The following KY variants were observed in gnomAD, a reference collection of about 807,000 sequenced individuals.
The protein encoded by KY is kyphoscoliosis peptidase.
Under a neutral mutation model 76.1 loss-of-function variants are expected in KY, and 43 were observed. That is an observed-to-expected ratio of 0.57 (90% confidence interval 0.44 to 0.73). KY has a LOEUF of 0.73. Ranked by LOEUF, KY falls within the 30% of genes least tolerant of loss-of-function variation. The pLI is 0.00. For missense variants in KY, 722 were observed against 828.9 expected (o/e 0.87, Z 1.58); for synonymous variants, 277 against 326.2 (o/e 0.85, Z 1.63).
intron 3 of KY, among the ~76,000 whole-genome samples, chr3:134,633,316 C>A (rs867245457): frequency 1.3e-5 from 2 of 152,120 alleles, no homozygotes; most frequent in Admixed American, 6.5e-5. Context: ...CACTACAGAC[C>A]AATACCCCTT....
At chr3:134,635,575 G>A (rs1560133355) in intron 3 of KY, among the ~76,000 whole-genome samples, 1 of 146,150 alleles carries the variant, frequency 6.8e-6, no homozygotes, top group Non-Finnish European at 1.5e-5. Context: ...GTCCACACAA[G>A]ATAATTTTAA....
chr3:134,610,236 GC>G lies in KY; in HGVS notation c.857del (p.Gly286AlafsTer42). The G allele has an allele frequency of 6.2e-7, 1 of 1,613,874 alleles. No homozygotes were observed. The highest frequency in any genetic ancestry group is 8.5e-7 in the Non-Finnish European group (1 of 1,179,852). On this transcript the variant is annotated frameshift_variant, in exon 9 of 11. Transcript: ENST00000423778. LOFTEE classifies it high-confidence loss of function. ...GRWHLVDSTWGSGLVDTITSK... is the reference protein window; with the variant it reads ...GRWHLVDSTWXSGLVDTITSK... ...AGGTGATGGTGTCCACCAGGCCGCT[GC>G]CCCAGGTGCTGTCCACCAGGTGCCA...
rs1959024553 is a variant in KY at position 134,602,774 on chromosome 3, C to A, written c.*805G>T. Reference sequence around the variant, plus strand: ...CCTGCCCTGTGTACTCCTCTCAGAGCAGAGCTGGAGGTCTTACACCCTCAG... The same window carrying A: ...CCTGCCCTGTGTACTCCTCTCAGAGAAGAGCTGGAGGTCTTACACCCTCAG... On this transcript the variant is annotated 3_prime_UTR_variant, in exon 11 of 11. Coordinates refer to ENST00000423778, the MANE Select transcript of KY (RefSeq NM_178554.6). 6.6e-6 allele frequency among the ~76,000 whole-genome samples: 1 copy of A among 152,196 alleles called. No homozygotes were observed. Among genetic ancestry groups the A allele is most frequent in the Non-Finnish European group, 1.5e-5 (1 of 68,028 alleles).
chr3:134,629,100 G>A (rs1963881995), intron 4 of KY, among the ~76,000 whole-genome samples: 2 of 152,218 alleles, frequency 1.3e-5, no homozygotes, highest in South Asian at 4.1e-4. Flanking sequence ...CTGGGCCTAT[G>A]TGCACTGCAC....
Position 134,608,783 on chromosome 3 carries a change from G to A in KY, c.956C>T (p.Pro319Leu). The change falls in exon 10 of 11, where the codon CCA (proline) becomes CTA (leucine). Residue 319 changes from proline to leucine, a missense_variant. Pro to Leu is a moderately conservative substitution (Grantham distance 98). Around this residue, in one of 2 missense-constraint regions of KY, gnomAD observed 552 missense variants for 680.9 expected, o/e 0.81. Coordinates refer to ENST00000423778, the MANE Select transcript of KY (RefSeq NM_178554.6). ...HPALFIEDHF[P>L]DNKNWQLLKP... The stretch of plus-strand genomic sequence containing the variant: ...TAGCAGCTGCCAGTTCTTGTTGTCT[G>A]GGAAGTGGTCCTCGATGAACAGTGC... The A allele has an allele frequency of 6.2e-7, 1 of 1,613,998 alleles. No individual in the cohort carries two copies. The highest frequency in any genetic ancestry group is 8.5e-7 in the Non-Finnish European group (1 of 1,179,880).
chr3:134,600,246 A>G lies in KY; in HGVS notation c.*3333T>C, dbSNP rs572835228. ...GGAGAGGAGAAAACCCACTCCTTCT[A>G]GTGAACATGGCATCTAAAACCTCAG... On this transcript the variant is annotated 3_prime_UTR_variant, in exon 11 of 11. Coordinates refer to ENST00000423778, the MANE Select transcript of KY (RefSeq NM_178554.6). Among the ~76,000 whole-genome samples the G allele has an allele frequency of 1.9e-4, 29 of 152,358 alleles. 1 individual carries two copies. The South Asian group carries it at 6.0e-3, about 32-fold the overall frequency.
At chr3:134,643,191 C>A in intron 3 of KY, 125 bp downstream of exon 3, 1 of 802,816 alleles carries the variant, frequency 1.2e-6, no homozygotes, top group East Asian at 2.6e-5. Context: ...TTCCAACACC[C>A]ATGGGAGCAG....
At chr3:134,636,272 C>T (rs62270963) in intron 3 of KY, among the ~76,000 whole-genome samples, 78 of 152,320 alleles carry the variant, frequency 5.1e-4, no homozygotes, top group South Asian at 3.7e-3. Context: ...AGAGAATGCC[C>T]ATTGTGCACA....
chr3:134,608,552 G>C, intron 10 of KY, 97 bp downstream of exon 10: 1 of 1,608,010 alleles, frequency 6.2e-7, no homozygotes. Flanking sequence ...GTCTGGAAGG[G>C]CATGCCTTGA....
chr3:134,623,871 C>T (rs1408353049), intron 6 of KY, among the ~76,000 whole-genome samples: 1 of 152,150 alleles, frequency 6.6e-6, no homozygotes. Context: ...TGGCCTTGCC[C>T]CAGCCCCTTT....
At chr3:134,606,466 C>A (rs1959208318) in intron 10 of KY, among the ~76,000 whole-genome samples, 1 of 152,208 alleles carries the variant, frequency 6.6e-6, no homozygotes, top group Non-Finnish European at 1.5e-5. Context: ...CTGGATAAGG[C>A]TTCATGGTAA....
At chr3:134,604,653 C>T (rs563643161) in intron 10 of KY, among the ~76,000 whole-genome samples, 179 bp from the exon 11 acceptor site, 23 of 152,348 alleles carry the variant, frequency 1.5e-4, no homozygotes, top group African/African-American at 4.8e-4. Flanking sequence ...CTTCACTGAG[C>T]ATGGCATCAG....
At chr3:134,612,683 G>A (rs1175309006) in intron 8 of KY, among the ~76,000 whole-genome samples, 1 of 151,846 alleles carries the variant, frequency 6.6e-6, no homozygotes, top group Non-Finnish European at 1.5e-5. Flanking sequence ...GCTAAGCAGT[G>A]CCCCTGACAC....
intron 4 of KY, among the ~76,000 whole-genome samples, chr3:134,628,559 C>T (rs1963775139): frequency 6.6e-6 from 1 of 152,136 alleles, no homozygotes; most frequent in Admixed American, 6.5e-5. Flanking sequence ...AGAAACAGTG[C>T]TCCATTTATT....
chr3:134,645,287 A>G (rs34701532), intron 2 of KY, among the ~76,000 whole-genome samples: 30,707 of 152,134 alleles, frequency 0.2, 3,497 homozygotes, highest in Non-Finnish European at 0.26. Context: ...GGAGCTCTCT[A>G]GTCTCAACAC....
intron 7 of KY, chr3:134,619,800 ATG>A (rs1962278418): frequency 6.4e-6 from 1 of 156,862 alleles, no homozygotes; most frequent in South Asian, 1.9e-4. Context: ...GAGACTGTGT[ATG>A]TGTGTGTTGG....
intron 3 of KY, among the ~76,000 whole-genome samples, chr3:134,638,186 G>A (rs913486580): frequency 6.6e-6 from 1 of 152,216 alleles, no homozygotes; most frequent in African/African-American, 2.4e-5. Flanking sequence ...GCCTGGGCTG[G>A]ACACGCTGTT....
intron 6 of KY, among the ~76,000 whole-genome samples, chr3:134,621,106 TAGCCAGGC>T: frequency 6.6e-6 from 1 of 152,192 alleles, no homozygotes; most frequent in Admixed American, 6.5e-5. Context: ...ATCTGGGGGC[TAGCCAGGC>T]AGGCATCTGG....
At chr3:134,610,419 C>T (rs770473274) in intron 8 of KY, 36 bp from the exon 9 acceptor site, 80 of 1,579,468 alleles carry the variant, frequency 5.1e-5, no homozygotes, top group African/African-American at 8.1e-5. Flanking sequence ...AGGGGGATCC[C>T]GCTGTGGCTT....
Sources: gnomAD v4.1 joint callset for allele counts (sites outside exome capture counted in the v4.1 genomes callset) on GRCh38, gnomAD v4.1.1 for gene constraint, gnomAD v4.1.1 regional missense constraint, MANE v1.5 for transcripts, NCBI Gene and HGNC (gene_info 2026-07-23, HGNC 2026-07-21) for gene names.